Variants in RIMBP2 observed in about 807,000 individuals in gnomAD.
The protein encoded by RIMBP2 is RIMS-binding protein 2.
RIMBP2 carries 48 observed loss-of-function variants against 118.6 expected under a neutral mutation model. The ratio of observed to expected loss-of-function variants is 0.40; its 90% confidence interval spans 0.32 to 0.51. The LOEUF (loss-of-function observed/expected upper bound fraction) is 0.51, where lower values mean the gene tolerates loss of function less well. Among genes scored for constraint, RIMBP2 ranks in the 20% least tolerant of loss-of-function variants. The pLI, the probability that RIMBP2 is intolerant of heterozygous loss-of-function variation, is 0.41. For missense variants in RIMBP2, 1,551 were observed against 1,768.3 expected (o/e 0.88, Z 2.20); for synonymous variants, 762 against 742.9 (o/e 1.03, Z -0.42).
At chr12:130,487,572 A>T (rs1218230821) in intron 4 of RIMBP2, among the ~76,000 whole-genome samples, 8 of 152,214 alleles carry the variant, frequency 5.3e-5, no homozygotes, top group Non-Finnish European at 1.2e-4. Flanking sequence ...GAACTGTGAG[A>T]TAAATTCGCT....
rs1255959592 is a variant in RIMBP2 at position 130,424,542 on chromosome 12, C to G, written c.2729G>C (p.Ser910Thr). Residue 910 changes from serine to threonine, a missense_variant, in exon 16 of 23, where the codon AGC (serine) becomes ACC (threonine). Physicochemically the swap from Ser to Thr is moderately conservative, Grantham distance 58. Transcript: ENST00000690449. This position sits in a 1 kb window ranked among gnomAD's most constrained non-coding sequence, Gnocchi z 9.8. The part of the protein sequence containing the change: ...FLLEDRGCRF[S>T]RSATRSPDSG... ...GTCCGGGCTCCGGGTGGCCGAGCGG[C>G]TGAACCGACAGCCCCTGTCTTCCAG... 1 of 1,231,856 alleles carries G rather than the reference C, an allele frequency of 8.1e-7. No individual in the cohort carries two copies. The highest frequency in any genetic ancestry group is 1.6e-5 in the African/African-American group (1 of 64,392). 76.3% of individuals were successfully genotyped at this position (1,231,856 alleles called of 1,614,324 possible).
intron 11 of RIMBP2, among the ~76,000 whole-genome samples, chr12:130,441,391 A>C (rs2137151381): frequency 7.1e-6 from 1 of 141,272 alleles, no homozygotes; most frequent in Middle Eastern, 3.6e-3. Flanking sequence ...ACAGAGCGAG[A>C]CTCCATCTCA....
chr12:130,526,043 C>T (rs1478029547), intron 2 of RIMBP2, among the ~76,000 whole-genome samples: 5 of 152,064 alleles, frequency 3.3e-5, no homozygotes, highest in Admixed American at 2.0e-4. Flanking sequence ...CATCCAGCCA[C>T]TCCCTTGGTC....
intron 15 of RIMBP2, chr12:130,427,505 T>G (rs954108452): frequency 6.6e-6 from 1 of 152,294 alleles, no homozygotes; most frequent in African/African-American, 2.4e-5. Flanking sequence ...GAAAGCCACG[T>G]GGATGGGAAA....
In RIMBP2 at chr12:130,711,247, G is replaced by GA. The variant is rs879784490; in HGVS notation, c.-352+4974dup. ...GACAGAGCAAGACTCTGTCTCAAAA[G>GA]AAAAAAAAAGAAGCTATCCAGCCTC... On this transcript the variant is annotated intron_variant, in intron 1 of 22. Coordinates refer to ENST00000690449, the MANE Select transcript of RIMBP2 (RefSeq NM_001393629.1). Among the ~76,000 whole-genome samples, 529 of 150,718 alleles carry GA rather than the reference G, an allele frequency of 3.5e-3. 5 individuals carry two copies. Among genetic ancestry groups the GA allele is most frequent in the Middle Eastern group, 0.014 (4 of 294 alleles).
chr12:130,592,793 T>C (rs1566326170), intron 2 of RIMBP2, among the ~76,000 whole-genome samples: 1 of 151,916 alleles, frequency 6.6e-6, no homozygotes, highest in African/African-American at 2.4e-5. Flanking sequence ...GAAGAGCGTT[T>C]CGCCCAGCAC....
intron 17 of RIMBP2, 47 bp from the exon 18 acceptor site, chr12:130,414,353 G>A: frequency 6.6e-7 from 1 of 1,516,194 alleles, no homozygotes; most frequent in Non-Finnish European, 8.9e-7. Flanking sequence ...GAGCCTAACT[G>A]AGGAGCGTGC....
intron 2 of RIMBP2, among the ~76,000 whole-genome samples, chr12:130,583,891 C>A (rs1205167669): frequency 6.6e-6 from 1 of 151,072 alleles, no homozygotes; most frequent in African/African-American, 2.4e-5. Context: ...ACCATCACCT[C>A]ATCACCATGA....
At chr12:130,604,156 G>T (rs1294506483) in intron 2 of RIMBP2, among the ~76,000 whole-genome samples, 1 of 151,986 alleles carries the variant, frequency 6.6e-6, no homozygotes, top group South Asian at 2.1e-4. Context: ...ATTTTAAACG[G>T]TGTTAAAATG....
chr12:130,434,893 AAGG>A lies in RIMBP2; in HGVS notation c.2107-16_2107-14del. On this transcript the variant is annotated splice_polypyrimidine_tract_variant and intron_variant, in intron 13 of 22. Coordinates refer to ENST00000690449, the MANE Select transcript of RIMBP2 (RefSeq NM_001393629.1). This position sits in a 1 kb window ranked among gnomAD's most constrained non-coding sequence, Gnocchi z 5.7. ...TCCTTTTCTCTAACTTGGAAAGAAAAAGGAGGCACACGGGTGAGGCAGGGCCAC... is the reference window on the plus strand; with the variant it reads ...TCCTTTTCTCTAACTTGGAAAGAAAAAGGCACACGGGTGAGGCAGGGCCAC... 1 of 1,598,714 alleles carries A rather than the reference AAGG, an allele frequency of 6.3e-7. No homozygotes were observed. The highest frequency in any genetic ancestry group is 2.3e-5 in the East Asian group (1 of 44,106).
At chr12:130,613,428 C>T (rs771101299) in intron 2 of RIMBP2, among the ~76,000 whole-genome samples, 7 of 152,198 alleles carry the variant, frequency 4.6e-5, no homozygotes, top group Non-Finnish European at 8.8e-5. Context: ...CAGCCCCCCA[C>T]CCCGCAGGCA....
At position 130,620,997 on chromosome 12, in the gene RIMBP2, G is replaced by A. The variant is rs1347745090; in HGVS notation, c.-217+7325C>T. On this transcript the variant is annotated intron_variant, in intron 2 of 22. Coordinates refer to ENST00000690449, the MANE Select transcript of RIMBP2 (RefSeq NM_001393629.1). The surrounding 1 kb of genome is among the most constrained non-coding windows in gnomAD (Gnocchi z 5.3). ...ATGGTTACATTAGCCATGGGCGGGC[G>A]AGCAACCTGCCTTGAGATCTGGCTG... Among the ~76,000 whole-genome samples, 3 of 152,158 alleles carry A rather than the reference G, an allele frequency of 2.0e-5. No homozygotes were observed. The highest frequency in any genetic ancestry group is 6.5e-5 in the Admixed American group (1 of 15,286).
chr12:130,682,738 G>A (rs1377063544), intron 1 of RIMBP2, among the ~76,000 whole-genome samples: 2 of 152,228 alleles, frequency 1.3e-5, no homozygotes, highest in South Asian at 2.1e-4. Flanking sequence ...GGCATTAGGA[G>A]GCAGCGCCCA....
chr12:130,624,765 C>G (rs2061519439), intron 2 of RIMBP2, among the ~76,000 whole-genome samples: 1 of 152,162 alleles, frequency 6.6e-6, no homozygotes, highest in Admixed American at 6.5e-5. Context: ...TGCGCTGTTG[C>G]CCAGAATGGA....
intron 4 of RIMBP2, among the ~76,000 whole-genome samples, chr12:130,493,424 C>T (rs774610156): frequency 6.6e-6 from 1 of 152,072 alleles, no homozygotes; most frequent in Non-Finnish European, 1.5e-5. Flanking sequence ...AAGCAATTCT[C>T]ATGCTTCAGC....
At chr12:130,689,645 G>C (rs554938496) in intron 1 of RIMBP2, among the ~76,000 whole-genome samples, 47 of 152,186 alleles carry the variant, frequency 3.1e-4, no homozygotes, top group African/African-American at 1.1e-3. Flanking sequence ...TAGCTGGGGA[G>C]GGGGACGGGC....
intron 21 of RIMBP2, among the ~76,000 whole-genome samples, chr12:130,405,699 A>G (rs4553408): frequency 0.046 from 7,021 of 151,888 alleles, 317 homozygotes; most frequent in East Asian, 0.19. Context: ...GGGGGTTCCA[A>G]GCTGCTAACA....
intron 1 of RIMBP2, among the ~76,000 whole-genome samples, chr12:130,677,946 C>T (rs966502673): frequency 4.6e-5 from 7 of 152,272 alleles, no homozygotes; most frequent in Non-Finnish European, 7.3e-5. Context: ...CACCCCTCCT[C>T]CACCTGGCTC....
At chr12:130,440,723 C>T (rs901124393) in intron 11 of RIMBP2, among the ~76,000 whole-genome samples, 5 of 152,210 alleles carry the variant, frequency 3.3e-5, no homozygotes, top group East Asian at 3.9e-4. Flanking sequence ...AAAATGTCGT[C>T]GTGTAACAGA....
Sources: allele counts gnomAD v4.1 joint callset (sites outside exome capture counted in the v4.1 genomes callset), GRCh38; gene constraint gnomAD v4.1.1; non-coding constraint Gnocchi (gnomAD v3.1); transcripts MANE v1.5; gene names NCBI Gene and HGNC (gene_info 2026-07-23, HGNC 2026-07-21).